The following FAT3 variants were observed in gnomAD, a reference collection of about 807,000 sequenced individuals.
The protein encoded by FAT3 is FAT atypical cadherin 3.
A neutral mutation model predicts 310.2 loss-of-function variants in FAT3; 95 were observed. The ratio of observed to expected loss-of-function variants is 0.31; its 90% CI spans 0.26 to 0.36. The LOEUF (loss-of-function observed/expected upper bound fraction) is 0.36. Among genes scored for constraint, FAT3 ranks in the 10% least tolerant of loss-of-function variants. FAT3 has a pLI of 1.00. For missense variants in FAT3, 5,408 were observed against 5,715.6 expected (o/e 0.95, Z 1.74); for synonymous variants, 2,314 against 2,192.9 (o/e 1.06, Z -1.54).
intron 1 of FAT3, among the ~76,000 whole-genome samples, chr11:92,305,268 AT>A (rs1947091125): frequency 6.6e-6 from 1 of 152,036 alleles, no homozygotes; most frequent in Non-Finnish European, 1.5e-5. Context: ...GAGTAATTCA[AT>A]TTTCATAGTT....
chr11:92,703,876 A>G (rs1313331085), intron 4 of FAT3, among the ~76,000 whole-genome samples: 5 of 152,220 alleles, frequency 3.3e-5, no homozygotes, highest in African/African-American at 9.7e-5. Context: ...AGCTACTTTC[A>G]TTAGCTGCTG....
intron 4 of FAT3, among the ~76,000 whole-genome samples, chr11:92,698,237 C>T (rs1227364751): frequency 6.6e-6 from 1 of 151,974 alleles, no homozygotes; most frequent in Admixed American, 6.6e-5. Flanking sequence ...AATCCACTAC[C>T]CCTCCTAACA....
Position 92,679,507 on chromosome 11 carries a change from G to T in FAT3, c.3608-17877G>T, listed in dbSNP as rs563106532. 5.9e-4 allele frequency among the ~76,000 whole-genome samples: 89 copies of T among 151,910 alleles called. 2 individuals carry two copies. The highest frequency in any genetic ancestry group is 2.1e-3 in the African/African-American group (87 of 41,428). ...ATAATAGCCATTCTAACTGAGGTAA[G>T]ATAATATCTTACTGTGGTTTAAATT... On this transcript the variant is annotated intron_variant, in intron 3 of 27. Transcript: ENST00000525166.
At chr11:92,670,788 G>A (rs1479871198) in intron 3 of FAT3, among the ~76,000 whole-genome samples, 1 of 152,176 alleles carries the variant, frequency 6.6e-6, no homozygotes, top group African/African-American at 2.4e-5. Flanking sequence ...ACAGGTTAGG[G>A]TGAACATATT....
intron 4 of FAT3, among the ~76,000 whole-genome samples, chr11:92,721,841 G>C (rs1944868689): frequency 6.6e-6 from 1 of 152,140 alleles, no homozygotes; most frequent in South Asian, 2.1e-4. Context: ...AAGTGAGCTT[G>C]TGCAGGGAAA....
chr11:92,832,113 G>A, intron 14 of FAT3, 102 bp downstream of exon 14: 1 of 1,311,830 alleles, frequency 7.6e-7, no homozygotes, highest in Non-Finnish European at 1.0e-6. Context: ...AGAAGATCGA[G>A]TGAGTCCAGG....
chr11:92,885,147 G>T (rs1192781230), intron 24 of FAT3, among the ~76,000 whole-genome samples: 1 of 152,206 alleles, frequency 6.6e-6, no homozygotes, highest in African/African-American at 2.4e-5. Context: ...CTTCTCAGTA[G>T]AGCCATCAAG....
chr11:92,663,315 G>A (rs1233280395), intron 3 of FAT3, among the ~76,000 whole-genome samples: 1 of 152,176 alleles, frequency 6.6e-6, no homozygotes, highest in Non-Finnish European at 1.5e-5. Context: ...AGAAGAGATT[G>A]AGACTAGGTC....
chr11:92,705,352 G>T (rs1944243806), intron 4 of FAT3, among the ~76,000 whole-genome samples: 1 of 147,012 alleles, frequency 6.8e-6, no homozygotes, highest in African/African-American at 2.5e-5. Context: ...TGGTGATGAT[G>T]GTAGTGTGAT....
intron 7 of FAT3, among the ~76,000 whole-genome samples, chr11:92,780,050 C>T (rs1477978842): frequency 6.6e-6 from 1 of 152,108 alleles, no homozygotes; most frequent in Non-Finnish European, 1.5e-5. Context: ...CCCAGAGCTT[C>T]CAGAAAGAAA....
At chr11:92,864,076 C>T (rs1171139143) in intron 21 of FAT3, among the ~76,000 whole-genome samples, 1 of 152,060 alleles carries the variant, frequency 6.6e-6, no homozygotes, top group Non-Finnish European at 1.5e-5. Context: ...TTAACCGTGC[C>T]GTGTTAGTAT....
At chr11:92,667,617 A>G (rs1266626608) in intron 3 of FAT3, among the ~76,000 whole-genome samples, 10 of 152,188 alleles carry the variant, frequency 6.6e-5, no homozygotes, top group Non-Finnish European at 1.3e-4. Flanking sequence ...TTAACGACAC[A>G]CACACACAAG....
chr11:92,430,685 G>A (rs533774719), intron 2 of FAT3, among the ~76,000 whole-genome samples: 10 of 151,914 alleles, frequency 6.6e-5, no homozygotes, highest in African/African-American at 1.2e-4. Context: ...AACAGGCCCT[G>A]GTGTGTGATG....
chr11:92,729,642 G>C (rs1945112648), intron 4 of FAT3, among the ~76,000 whole-genome samples: 1 of 151,714 alleles, frequency 6.6e-6, no homozygotes, highest in South Asian at 2.1e-4. Context: ...GGCCAGGATG[G>C]TCTCGATCTC....
intron 1 of FAT3, among the ~76,000 whole-genome samples, chr11:92,316,120 C>G (rs566860831): frequency 1.3e-4 from 20 of 151,992 alleles, no homozygotes; most frequent in Admixed American, 7.9e-4. Flanking sequence ...ATAGAAAATA[C>G]TAGGCTCAAA....
chr11:92,565,747 A>T (rs926877189), intron 3 of FAT3, among the ~76,000 whole-genome samples: 13 of 152,000 alleles, frequency 8.6e-5, no homozygotes, highest in Non-Finnish European at 7.4e-5. Context: ...ACAAATCAAT[A>T]AATGTAATCC....
chr11:92,586,593 T>G (rs1182159330), intron 3 of FAT3, among the ~76,000 whole-genome samples: 1 of 152,000 alleles, frequency 6.6e-6, no homozygotes, highest in Non-Finnish European at 1.5e-5. Flanking sequence ...CAAATAATAA[T>G]CATGGCCAGG....
intron 4 of FAT3, among the ~76,000 whole-genome samples, chr11:92,708,482 G>A (rs898485417): frequency 6.6e-6 from 1 of 152,186 alleles, no homozygotes; most frequent in African/African-American, 2.4e-5. Context: ...ATAAAATTGG[G>A]ACAATAATAA....
chr11:92,764,481 C>A (rs1009136587), intron 5 of FAT3, among the ~76,000 whole-genome samples: 7 of 152,182 alleles, frequency 4.6e-5, no homozygotes, highest in African/African-American at 1.7e-4. Context: ...TATAAGGTTT[C>A]ACAATGCACT....
Sources: gnomAD v4.1 joint callset for allele counts (sites outside exome capture counted in the v4.1 genomes callset) on GRCh38, gnomAD v4.1.1 for gene constraint, MANE v1.5 for transcripts, NCBI Gene and HGNC (gene_info 2026-07-23, HGNC 2026-07-21) for gene names.